FSAF1: variants seen among roughly 807,000 people sequenced by gnomAD.
FSAF1 encodes the protein uncharacterized protein C1orf131.
the FSAF1 span, chr1:231,225,281 C>T: frequency 1.7e-6 from 1 of 592,976 alleles, no homozygotes; most frequent in African/African-American, 1.9e-5. Context: ...GAGAAACTTC[C>T]TAATTCAGTT....
the FSAF1 span, chr1:231,227,100 G>A: frequency 6.2e-7 from 1 of 1,604,100 alleles, no homozygotes; most frequent in Non-Finnish European, 8.5e-7. Context: ...AGACGCAAGT[G>A]CATTCCAACA....
chr1:231,226,673 T>G, the FSAF1 span: 1 of 1,412,704 alleles, frequency 7.1e-7, no homozygotes, highest in African/African-American at 1.4e-5. Flanking sequence ...CTTCCGGCAT[T>G]CCACTGTGGC....
the FSAF1 span, chr1:231,224,428 A>G: frequency 2.5e-6 from 4 of 1,600,260 alleles, no homozygotes; most frequent in Non-Finnish European, 3.4e-6. Flanking sequence ...CATTTAAAGT[A>G]AGAGAAAGGT....
At chr1:231,235,105 C>A in the FSAF1 span, among the ~76,000 whole-genome samples, 24 of 152,346 alleles carry the variant, frequency 1.6e-4, 1 homozygote, top group East Asian at 4.6e-3. Context: ...TCTGCAAGGT[C>A]TGCAGACAGC....
At chr1:231,224,171 C>T in the FSAF1 span, 1 of 1,249,616 alleles carries the variant, frequency 8.0e-7, no homozygotes, top group Non-Finnish European at 1.1e-6. Flanking sequence ...AATGAAAAAG[C>T]AGTCTGTGAA....
the FSAF1 span, chr1:231,226,953 A>G: frequency 6.2e-7 from 1 of 1,613,620 alleles, no homozygotes. Flanking sequence ...TAGTGATGAA[A>G]GGTAGCAGCA....
the FSAF1 span, among the ~76,000 whole-genome samples, chr1:231,240,535 T>TA: frequency 2.3e-3 from 338 of 144,716 alleles, no homozygotes; most frequent in African/African-American, 7.0e-3. This position sits in a 1 kb window ranked among gnomAD's most constrained non-coding sequence, Gnocchi z 4.1. Flanking sequence ...CGCACTTGTT[T>TA]AAAAAAAAAA....
At chr1:231,225,141 A>C in the FSAF1 span, 1 of 339,954 alleles carries the variant, frequency 2.9e-6, no homozygotes, top group Admixed American at 4.2e-5. Flanking sequence ...CTTACGTGGT[A>C]TGTCAAAGAG....
At chr1:231,241,150 G>C in the FSAF1 span, 1 of 1,604,638 alleles carries the variant, frequency 6.2e-7, no homozygotes, top group Non-Finnish European at 8.5e-7. Flanking sequence ...ATTCTGCCGC[G>C]CTGCACCCCC....
chr1:231,229,267 A>C, the FSAF1 span: 1 of 1,188,736 alleles, frequency 8.4e-7, no homozygotes, highest in African/African-American at 1.5e-5. Flanking sequence ...AGTATCTATC[A>C]CCGAAAGAGT....
the FSAF1 span, chr1:231,236,639 A>G: frequency 6.6e-6 from 1 of 152,194 alleles, no homozygotes; most frequent in Non-Finnish European, 1.5e-5. Context: ...TTCCAGAAAA[A>G]AGAACATGAG....
the FSAF1 span, chr1:231,239,309 A>G: frequency 1.3e-6 from 1 of 758,498 alleles, no homozygotes; most frequent in African/African-American, 1.8e-5. Flanking sequence ...GCACACACAA[A>G]GAAATAAACT....
chr1:231,224,244 G>GTT, the FSAF1 span: 1 of 1,593,872 alleles, frequency 6.3e-7, no homozygotes, highest in Non-Finnish European at 8.5e-7. Context: ...AGTTGACTCA[G>GTT]TTGTTCCCAT....
the FSAF1 span, chr1:231,229,342 A>G: frequency 2.0e-6 from 1 of 503,532 alleles, no homozygotes; most frequent in East Asian, 3.2e-5. Flanking sequence ...CTGTCCAAAA[A>G]CCAGAAAATA....
chr1:231,229,212 G>A, the FSAF1 span: 1 of 1,566,322 alleles, frequency 6.4e-7, no homozygotes, highest in South Asian at 1.2e-5. Flanking sequence ...TTAGCCTGCT[G>A]AGAGAAAAAA....
the FSAF1 span, chr1:231,229,266 C>G: frequency 8.3e-7 from 1 of 1,203,470 alleles, no homozygotes; most frequent in Non-Finnish European, 1.2e-6. Context: ...TAGTATCTAT[C>G]ACCGAAAGAG....
At chr1:231,241,085 G>A in the FSAF1 span, 6 of 1,614,202 alleles carry the variant, frequency 3.7e-6, no homozygotes, top group African/African-American at 1.3e-5. Context: ...GAGGCGTGGA[G>A]GACCCCGGCC....
At chr1:231,239,252 T>A in the FSAF1 span, 1 of 1,376,572 alleles carries the variant, frequency 7.3e-7, no homozygotes, top group Non-Finnish European at 9.8e-7. Context: ...CAGTATCAAA[T>A]CCTACGAATG....
chr1:231,240,980 C>T, the FSAF1 span: 2 of 1,561,460 alleles, frequency 1.3e-6, no homozygotes, highest in Non-Finnish European at 1.8e-6. This position sits in a 1 kb window ranked among gnomAD's most constrained non-coding sequence, Gnocchi z 4.1. Flanking sequence ...ACCCACGTTC[C>T]TCAAATCTGT....
Sources: gnomAD v4.1 joint callset for allele counts (sites outside exome capture counted in the v4.1 genomes callset) on GRCh38, gnomAD v4.1.1 for gene constraint, Gnocchi (gnomAD v3.1) non-coding constraint, MANE v1.5 for transcripts, NCBI Gene and HGNC (gene_info 2026-07-23, HGNC 2026-07-21) for gene names.